Variants in CTNNA2 observed in about 807,000 individuals in gnomAD.
The protein encoded by CTNNA2 is catenin alpha 2, also known as catenin alpha-2.
A neutral mutation model predicts 101.0 loss-of-function variants in CTNNA2; 42 were observed. That is an observed-to-expected ratio of 0.42 (90% CI 0.32 to 0.54). The LOEUF (loss-of-function observed/expected upper bound fraction) is 0.54, where lower values mean the gene tolerates loss of function less well. Among genes scored for constraint, CTNNA2 ranks in the 20% least tolerant of loss-of-function variants. CTNNA2 has a pLI of 0.14. For missense variants in CTNNA2, 871 were observed against 1,223.1 expected (o/e 0.71, Z 4.29); for synonymous variants, 450 against 456.4 (o/e 0.99, Z 0.18).
chr2:79,295,635 CTT>C (rs1205726745), intron 2 of CTNNA2, among the ~76,000 whole-genome samples: 3 of 151,612 alleles, frequency 2.0e-5, no homozygotes, highest in Non-Finnish European at 4.4e-5. Flanking sequence ...CTTAAAATCT[CTT>C]TTCCTGGCAG....
chr2:80,604,380 C>G (rs966394785), intron 16 of CTNNA2, among the ~76,000 whole-genome samples: 1 of 151,970 alleles, frequency 6.6e-6, no homozygotes, highest in Non-Finnish European at 1.5e-5. Flanking sequence ...GGAGAGAATG[C>G]TAAGGCTTCT....
At chr2:79,325,423 T>C (rs111916066) in intron 3 of CTNNA2, among the ~76,000 whole-genome samples, 1 of 152,328 alleles carries the variant, frequency 6.6e-6, no homozygotes, top group African/African-American at 2.4e-5. Context: ...TTGTTTTCAT[T>C]GTTTTCTTCA....
At chr2:80,528,934 AG>A (rs1324555745) in intron 9 of CTNNA2, among the ~76,000 whole-genome samples, 1 of 152,212 alleles carries the variant, frequency 6.6e-6, no homozygotes, top group East Asian at 1.9e-4. Flanking sequence ...ATGGTGACAT[AG>A]GGGTTATGTA....
At chr2:80,232,337 GTTTGTTTGTTTTTTTTTTTTTTTTTTT>G (rs1709273023) in intron 7 of CTNNA2, among the ~76,000 whole-genome samples, 95 of 45,020 alleles carry the variant, frequency 2.1e-3, no homozygotes, top group East Asian at 3.6e-3. Flanking sequence ...TTGTTTGTTT[GTTTGTTTGTTTTTTTTTTTTTTTTTTT>G]TTTTTTTTTT....
chr2:79,444,320 G>T (rs779938827), intron 4 of CTNNA2, among the ~76,000 whole-genome samples: 4 of 152,044 alleles, frequency 2.6e-5, no homozygotes, highest in Non-Finnish European at 4.4e-5. Context: ...GGAGGAAAAA[G>T]AATACAAATA....
chr2:79,703,470 G>C (rs1194362846), intron 2 of CTNNA2, among the ~76,000 whole-genome samples: 3 of 152,076 alleles, frequency 2.0e-5, no homozygotes, highest in African/African-American at 7.2e-5. Context: ...GTACTTATTT[G>C]CTCTGGGTCT....
At chr2:80,550,470 G>C (rs1203982254) in intron 11 of CTNNA2, among the ~76,000 whole-genome samples, 1 of 152,186 alleles carries the variant, frequency 6.6e-6, no homozygotes, top group East Asian at 1.9e-4. Context: ...TAGCATGTGA[G>C]ATGCTGTTTG....
intron 3 of CTNNA2, among the ~76,000 whole-genome samples, chr2:79,341,779 G>A (rs928395168): frequency 2.6e-5 from 4 of 152,314 alleles, no homozygotes; most frequent in Admixed American, 6.5e-5. Context: ...ATGCGCAGGT[G>A]TCACCTGGCT....
At chr2:80,381,745 G>A (rs569662345) in intron 7 of CTNNA2, among the ~76,000 whole-genome samples, 4 of 152,184 alleles carry the variant, frequency 2.6e-5, no homozygotes, top group Admixed American at 6.5e-5. Flanking sequence ...CCTTTGCTGC[G>A]GGGCTGGCAA....
At position 80,581,774 on chromosome 2, in the gene CTNNA2, T is replaced by C. The variant is rs914062967; in HGVS notation, c.1962T>C (p.Ser654=). 6 of 1,613,334 alleles carry C rather than the reference T, an allele frequency of 3.7e-6. No homozygotes were observed. The highest frequency in any genetic ancestry group is 5.1e-6 in the Non-Finnish European group (6 of 1,179,460). The part of the protein sequence containing the change: ...QEDYDVRSRT[S]VQTEDDQLIA... ...ATTATGATGTGCGTAGCAGGACAAG[T>C]GTTCAGACTGAGGATGACCAGCTCA... is the stretch of plus-strand genomic sequence containing the variant. Residue 654 remains serine, a synonymous_variant, in exon 14 of 19, where the codon AGT becomes AGC. Coordinates refer to ENST00000402739, the MANE Select transcript of CTNNA2 (RefSeq NM_001282597.3).
intron 12 of CTNNA2, chr2:80,572,635 A>G (rs1474103457): frequency 6.6e-6 from 1 of 152,228 alleles, no homozygotes; most frequent in African/African-American, 2.4e-5. Context: ...GTCATTTAAA[A>G]AAGTTTATTC....
intron 7 of CTNNA2, among the ~76,000 whole-genome samples, chr2:79,923,756 G>A (rs373292088): frequency 5.3e-5 from 8 of 151,890 alleles, no homozygotes; most frequent in South Asian, 4.2e-4. Flanking sequence ...CATCCCCCTC[G>A]CTGCTCAGCC....
intron 2 of CTNNA2, among the ~76,000 whole-genome samples, chr2:79,264,765 T>C (rs1313854649): frequency 6.6e-6 from 1 of 152,066 alleles, no homozygotes; most frequent in Non-Finnish European, 1.5e-5. Flanking sequence ...TATGTTGTGT[T>C]CTATAGTCTC....
chr2:79,792,242 T>C (rs1675330327), intron 3 of CTNNA2, among the ~76,000 whole-genome samples: 2 of 152,294 alleles, frequency 1.3e-5, no homozygotes, highest in South Asian at 4.2e-4. Context: ...GGGTACTCTT[T>C]GTACCTGACT....
At chr2:80,368,905 G>A (rs968162872) in intron 7 of CTNNA2, among the ~76,000 whole-genome samples, 2 of 150,506 alleles carry the variant, frequency 1.3e-5, no homozygotes, top group African/African-American at 4.9e-5. Context: ...AGGCTAGTGG[G>A]TAGGAATGAG....
intron 9 of CTNNA2, among the ~76,000 whole-genome samples, chr2:80,449,495 AT>A (rs1364888659): frequency 3.9e-5 from 6 of 152,184 alleles, no homozygotes; most frequent in Non-Finnish European, 4.4e-5. Flanking sequence ...CTGTTTTCAA[AT>A]AACTTTCTAT....
chr2:79,983,919 ACTGAAAACTT>A (rs370177826), intron 7 of CTNNA2, among the ~76,000 whole-genome samples: 11 of 152,224 alleles, frequency 7.2e-5, no homozygotes, highest in African/African-American at 2.4e-4. Context: ...TCCAAATTGC[ACTGAAAACTT>A]TGGAACATAG....
chr2:80,535,158 C>A (rs966258452), intron 9 of CTNNA2, among the ~76,000 whole-genome samples: 5 of 152,190 alleles, frequency 3.3e-5, no homozygotes, highest in East Asian at 1.9e-4. Flanking sequence ...CATTGTCTTC[C>A]CCTTGTTTCT....
At chr2:79,496,666 TTC>T (rs1172833417) in intron 4 of CTNNA2, among the ~76,000 whole-genome samples, 1 of 151,976 alleles carries the variant, frequency 6.6e-6, no homozygotes, top group Admixed American at 6.6e-5. Flanking sequence ...CTTTTTTATT[TTC>T]TCTCTTTTTT....
Sources: gnomAD v4.1 joint callset for allele counts (sites outside exome capture counted in the v4.1 genomes callset) on GRCh38, gnomAD v4.1.1 for gene constraint, MANE v1.5 for transcripts, NCBI Gene and HGNC (gene_info 2026-07-23, HGNC 2026-07-21) for gene names.